ATP13A3: variants seen among roughly 807,000 people sequenced by gnomAD.
ATP13A3 encodes the protein polyamine-transporting ATPase 13A3.
In ATP13A3, 59 loss-of-function variants were observed where a neutral mutation model predicts 158.1. The observed-to-expected ratio is 0.37, with a 90% CI of 0.30 to 0.46. ATP13A3 has a LOEUF of 0.46. Among genes scored for constraint, ATP13A3 ranks in the 20% least tolerant of loss-of-function variants. The probability of loss-of-function intolerance (pLI) is 1.00; values close to 1 mark genes in which losing one functional copy is unlikely to be tolerated. For missense variants in ATP13A3, 1,166 were observed against 1,525.2 expected (o/e 0.76, Z 3.92); for synonymous variants, 491 against 504.3 (o/e 0.97, Z 0.35).
chr3:194,432,908 A>G (rs1717331929), intron 21 of ATP13A3, among the ~76,000 whole-genome samples: 1 of 152,202 alleles, frequency 6.6e-6, no homozygotes, highest in South Asian at 2.1e-4. Flanking sequence ...TAACATCAGG[A>G]GAATCCCTTA....
intron 20 of ATP13A3, among the ~76,000 whole-genome samples, chr3:194,434,871 T>C (rs931211222): frequency 3.3e-5 from 5 of 152,174 alleles, no homozygotes; most frequent in Non-Finnish European, 7.3e-5. Context: ...CAGTGAGAAG[T>C]GTTTGTTCCA....
intron 2 of ATP13A3, among the ~76,000 whole-genome samples, chr3:194,484,260 G>A (rs995671429): frequency 1.3e-5 from 2 of 151,906 alleles, no homozygotes; most frequent in African/African-American, 4.8e-5. Context: ...TTTTAACAAA[G>A]AAGAATATTG....
At chr3:194,449,632 G>A (rs1477440454) in intron 11 of ATP13A3, among the ~76,000 whole-genome samples, 1 of 151,166 alleles carries the variant, frequency 6.6e-6, no homozygotes, top group African/African-American at 2.4e-5. Flanking sequence ...AGCCAAGATC[G>A]CACCACTGCT....
intron 14 of ATP13A3, among the ~76,000 whole-genome samples, chr3:194,445,586 A>G (rs1161177362): frequency 2.6e-5 from 4 of 152,218 alleles, no homozygotes; most frequent in African/African-American, 9.6e-5. Flanking sequence ...TCTTTTCTCC[A>G]CTTTTGTCTT....
At chr3:194,480,769 AAC>A (rs1487050361) in intron 2 of ATP13A3, among the ~76,000 whole-genome samples, 2 of 152,248 alleles carry the variant, frequency 1.3e-5, no homozygotes, top group African/African-American at 4.8e-5. Flanking sequence ...GGGGGGAAGC[AAC>A]AGAGAAAAAT....
In ATP13A3 at chr3:194,448,718, A is replaced by T; in HGVS notation, c.971-82T>A. On this transcript the variant is annotated intron_variant, in intron 11 of 33. Transcript: ENST00000645319. This position sits in a 1 kb window ranked among gnomAD's most constrained non-coding sequence, Gnocchi z 4.0. ...AGGAATCAGTATCGAACACCAAAAA[A>T]TATTAAATTGTTAAATATTTTAAAT... is the stretch of plus-strand genomic sequence containing the variant. The T allele has an allele frequency of 7.6e-7, 1 of 1,313,958 alleles. No homozygotes were observed. Among genetic ancestry groups the T allele is most frequent in the Non-Finnish European group, 1.0e-6 (1 of 958,066 alleles). The allele number at this position is 1,313,958 out of a possible 1,614,324, so 81.4% of individuals were successfully genotyped here.
In ATP13A3 at chr3:194,486,993, G is replaced by C. The variant is rs1051780046; in HGVS notation, c.-516C>G. 1.3e-5 allele frequency: 2 copies of C among 151,952 alleles called. No individual in the cohort carries two copies. Among genetic ancestry groups the C allele is most frequent in the Non-Finnish European group, 2.9e-5 (2 of 67,970 alleles). 9.4% of individuals were successfully genotyped at this position (151,952 alleles called of 1,614,324 possible). A position where few individuals can be genotyped will look rare whatever the true frequency, so the allele number is the denominator to read the frequency against. The stretch of plus-strand genomic sequence containing the variant: ...CAGGCAGGCGGGGGAGCGCGCGCGG[G>C]CTCAGGACTCCCGCGCCGGATGTGA... On this transcript the variant is annotated 5_prime_UTR_variant, in exon 1 of 34. Transcript: ENST00000645319.
At chr3:194,425,773 AG>A (rs891506401) in intron 29 of ATP13A3, among the ~76,000 whole-genome samples, 60 of 152,208 alleles carry the variant, frequency 3.9e-4, no homozygotes, top group African/African-American at 1.4e-3. Flanking sequence ...ATATTTAATA[AG>A]CCCCCCTCAG....
chr3:194,457,029 TGA>T (rs1434833798), intron 7 of ATP13A3, 63 bp downstream of exon 7: 1 of 1,159,464 alleles, frequency 8.6e-7, no homozygotes, highest in Admixed American at 1.9e-5. Context: ...GGTAAAGGGT[TGA>T]TTATGTATAC....
intron 28 of ATP13A3, 45 bp downstream of exon 28, chr3:194,428,800 G>T: frequency 7.1e-7 from 1 of 1,400,388 alleles, no homozygotes; most frequent in South Asian, 1.2e-5. Flanking sequence ...AGTCACATCA[G>T]AATTTCATAC....
intron 20 of ATP13A3, among the ~76,000 whole-genome samples, chr3:194,434,386 G>T (rs973418728): frequency 7.2e-5 from 11 of 152,156 alleles, no homozygotes; most frequent in Non-Finnish European, 1.6e-4. Flanking sequence ...CCAGAGATGG[G>T]TCTTTGAAAA....
At chr3:194,435,046 TG>T (rs1419210310) in intron 20 of ATP13A3, among the ~76,000 whole-genome samples, 1 of 152,218 alleles carries the variant, frequency 6.6e-6, no homozygotes, top group Non-Finnish European at 1.5e-5. Context: ...ATTTCAGACT[TG>T]GAATAACCAA....
upstream of ATP13A3, among the ~76,000 whole-genome samples, chr3:194,491,533 ACTCTCACCTGGCATGCCCCCTCAT>A (rs1217749709): frequency 9.9e-3 from 828 of 83,548 alleles, 15 homozygotes; most frequent in African/African-American, 0.037. Flanking sequence ...TGTCCCCTCC[ACTCTCACCTGGCATGCCCCCTCAT>A]CTCTCACCTG....
In ATP13A3 at chr3:194,403,608, A is replaced by G. The variant is rs1170416783; in HGVS notation, c.*2311T>C. Reference sequence around the variant, plus strand: ...ATTCATCTTAATACATCAAAATAATATATGTACAGATTTTAAAATTTAGGT... The same window carrying G: ...ATTCATCTTAATACATCAAAATAATGTATGTACAGATTTTAAAATTTAGGT... On this transcript the variant is annotated 3_prime_UTR_variant, in exon 34 of 34. Coordinates refer to ENST00000645319, the MANE Select transcript of ATP13A3 (RefSeq NM_001367549.1). 6.6e-6 allele frequency: 1 copy of G among 152,348 alleles called. No individual in the cohort carries two copies. Among genetic ancestry groups the G allele is most frequent in the Non-Finnish European group, 1.5e-5 (1 of 68,114 alleles). The allele number at this position is 152,348 out of a possible 1,614,324, so 9.4% of individuals were successfully genotyped here.
rs146073027 is a variant in ATP13A3 at position 194,479,048 on chromosome 3, T to C, written c.-47+6746A>G. On this transcript the variant is annotated intron_variant, in intron 2 of 33. Coordinates refer to ENST00000645319, the MANE Select transcript of ATP13A3 (RefSeq NM_001367549.1). ...CATTGCCACAACTATTAAGGGAACATGAAGAATAGTGAGTCACTATGGGCC... is the reference window on the plus strand; with the variant it reads ...CATTGCCACAACTATTAAGGGAACACGAAGAATAGTGAGTCACTATGGGCC... 1.0e-3 allele frequency among the ~76,000 whole-genome samples: 159 copies of C among 152,248 alleles called. 1 individual carries two copies. The highest frequency in any genetic ancestry group is 3.8e-3 in the African/African-American group (156 of 41,542).
intron 2 of ATP13A3, among the ~76,000 whole-genome samples, chr3:194,476,567 C>T (rs1249858367): frequency 6.6e-6 from 1 of 152,160 alleles, no homozygotes; most frequent in Non-Finnish European, 1.5e-5. Flanking sequence ...CTTTTGACTA[C>T]CCTTCTCAAA....
intron 30 of ATP13A3, among the ~76,000 whole-genome samples, chr3:194,422,924 T>G (rs1716495696): frequency 6.7e-6 from 1 of 150,042 alleles, no homozygotes; most frequent in African/African-American, 2.5e-5. Context: ...TCTGAATGGC[T>G]TCAACCAATT....
At chr3:194,475,592 CAGTA>C (rs1362011969) in intron 2 of ATP13A3, among the ~76,000 whole-genome samples, 1 of 152,122 alleles carries the variant, frequency 6.6e-6, no homozygotes, top group African/African-American at 2.4e-5. Flanking sequence ...TTCAAAAATA[CAGTA>C]ATATAAGTTG....
At chr3:194,460,904 G>A in intron 3 of ATP13A3, 73 bp from the exon 4 acceptor site, 2 of 1,463,106 alleles carry the variant, frequency 1.4e-6, no homozygotes, top group Non-Finnish European at 1.9e-6. Flanking sequence ...ACATTCCAAA[G>A]TTCTTTGTTT....
Sources: allele counts gnomAD v4.1 joint callset (sites outside exome capture counted in the v4.1 genomes callset), GRCh38; gene constraint gnomAD v4.1.1; non-coding constraint Gnocchi (gnomAD v3.1); transcripts MANE v1.5; gene names NCBI Gene and HGNC (gene_info 2026-07-23, HGNC 2026-07-21).